RPGRIP1L: variants seen among roughly 807,000 people sequenced by gnomAD.
RPGRIP1L encodes the protein RPGRIP1 like.
In RPGRIP1L, 131 loss-of-function variants were observed where a neutral mutation model predicts 160.4. The observed-to-expected ratio is 0.82, with a 90% CI of 0.71 to 0.94. The LOEUF is 0.94. Among genes scored for constraint, RPGRIP1L ranks in the 40% least tolerant of loss-of-function variants. The pLI, the probability that RPGRIP1L is intolerant of heterozygous loss-of-function variation, is 0.00. For missense variants in RPGRIP1L, 1,522 were observed against 1,535.8 expected (o/e 0.99, Z 0.15); for synonymous variants, 510 against 515.8 (o/e 0.99, Z 0.15).
intron 22 of RPGRIP1L, among the ~76,000 whole-genome samples, chr16:53,627,723 T>C (rs977747830): frequency 1.3e-5 from 2 of 152,210 alleles, no homozygotes; most frequent in Non-Finnish European, 2.9e-5. Flanking sequence ...TTAATCATTC[T>C]GCAATTTCTG....
chr16:53,672,167 T>C (rs1968787666), intron 8 of RPGRIP1L, among the ~76,000 whole-genome samples: 1 of 152,144 alleles, frequency 6.6e-6, no homozygotes. Context: ...GGAGTAATAA[T>C]TACATCCCTA....
At chr16:53,617,489 T>C (rs758209514) in intron 24 of RPGRIP1L, among the ~76,000 whole-genome samples, 1 of 152,190 alleles carries the variant, frequency 6.6e-6, no homozygotes, top group Non-Finnish European at 1.5e-5. Context: ...CTTTTGGAAA[T>C]GTTTTCTTTA....
At chr16:53,635,360 T>G (rs1182203185) in intron 22 of RPGRIP1L, 2 of 152,150 alleles carry the variant, frequency 1.3e-5, no homozygotes, top group Non-Finnish European at 2.9e-5. Flanking sequence ...ACAGATAAAA[T>G]GTTCTATTTG....
intron 15 of RPGRIP1L, among the ~76,000 whole-genome samples, chr16:53,652,117 C>G (rs1429527699): frequency 6.6e-6 from 1 of 152,020 alleles, no homozygotes; most frequent in African/African-American, 2.4e-5. Context: ...CTCTTGTTAT[C>G]CAGGCTGGAG....
intron 2 of RPGRIP1L, among the ~76,000 whole-genome samples, chr16:53,699,091 C>T (rs913537763): frequency 4.6e-5 from 7 of 152,030 alleles, no homozygotes; most frequent in South Asian, 2.1e-4. Flanking sequence ...GACCTTACCC[C>T]GCAACCCTGT....
intron 4 of RPGRIP1L, 64 bp downstream of exon 4, chr16:53,692,002 G>GTT: frequency 6.7e-7 from 1 of 1,491,886 alleles, no homozygotes; most frequent in Non-Finnish European, 9.3e-7. Context: ...AAAACTTTGT[G>GTT]TTTTTTTTGT....
intron 22 of RPGRIP1L, among the ~76,000 whole-genome samples, chr16:53,625,803 ATTC>A (rs1292072115): frequency 4.6e-5 from 7 of 152,314 alleles, no homozygotes; most frequent in Non-Finnish European, 8.8e-5. Context: ...ACTAAGAAAA[ATTC>A]TTCTGCCTTG....
At chr16:53,609,708 C>G (rs185402473) in intron 25 of RPGRIP1L, among the ~76,000 whole-genome samples, 1 of 152,028 alleles carries the variant, frequency 6.6e-6, no homozygotes, top group Non-Finnish European at 1.5e-5. Flanking sequence ...TTTATTCCCT[C>G]GTCACTCATG....
At chr16:53,609,501 A>G (rs1011361900) in intron 25 of RPGRIP1L, among the ~76,000 whole-genome samples, 23 of 126,552 alleles carry the variant, frequency 1.8e-4, no homozygotes, top group Non-Finnish European at 1.8e-4. Context: ...TTAAATAAAC[A>G]CTTTTGGGGT....
Position 53,652,627 on chromosome 16 carries a change from C to T in RPGRIP1L, c.2060G>A (p.Ser687Asn). The part of the protein sequence containing the change: ...TITLEVHQAY[S>N]TEYETIAACQ... ...TGCTGCAATTGTTTCATATTCTGTG[C>T]TATAAGCCTGGTGGACCTCAAGGGT... Residue 687 changes from serine (S) to asparagine (N), a missense_variant, in exon 15 of 27, where the codon AGC becomes AAC. Physicochemically the swap from Ser to Asn is conservative, Grantham distance 46. Coordinates refer to ENST00000647211, the MANE Select transcript of RPGRIP1L (RefSeq NM_015272.5). 6.2e-7 allele frequency: 1 copy of T among 1,613,962 alleles called. No individual in the cohort carries two copies. Among genetic ancestry groups the T allele is most frequent in the Non-Finnish European group, 8.5e-7 (1 of 1,179,920 alleles).
chr16:53,620,039 C>G (rs1872040821), intron 23 of RPGRIP1L, among the ~76,000 whole-genome samples: 1 of 151,992 alleles, frequency 6.6e-6, no homozygotes, highest in Non-Finnish European at 1.5e-5. Flanking sequence ...AAAGTTTGTC[C>G]TTTAGTATCA....
At chr16:53,636,206 ATTTAAGGTACTCTT>A (rs924598486) in intron 22 of RPGRIP1L, among the ~76,000 whole-genome samples, 42 of 152,188 alleles carry the variant, frequency 2.8e-4, no homozygotes, top group African/African-American at 9.2e-4. Context: ...GGAGGTACAG[ATTTAAGGTACTCTT>A]TGTGAAAATA....
intron 9 of RPGRIP1L, among the ~76,000 whole-genome samples, chr16:53,669,012 G>C (rs1968499567): frequency 6.6e-6 from 1 of 152,082 alleles, no homozygotes; most frequent in Non-Finnish European, 1.5e-5. Flanking sequence ...TTTTTCTCCT[G>C]AAAACTAGTC....
At chr16:53,676,539 T>C (rs1969186970) in intron 6 of RPGRIP1L, among the ~76,000 whole-genome samples, 1 of 152,318 alleles carries the variant, frequency 6.6e-6, no homozygotes, top group African/African-American at 2.4e-5. Context: ...TTTATTGATA[T>C]GTAAGGACAG....
chr16:53,644,778 T>C (rs1966439780), intron 17 of RPGRIP1L, among the ~76,000 whole-genome samples: 1 of 152,064 alleles, frequency 6.6e-6, no homozygotes, highest in Non-Finnish European at 1.5e-5. Context: ...GATAACAGAA[T>C]CCTCCCAGAC....
intron 6 of RPGRIP1L, among the ~76,000 whole-genome samples, chr16:53,679,005 C>T (rs1482435524): frequency 6.6e-6 from 1 of 152,166 alleles, no homozygotes; most frequent in Non-Finnish European, 1.5e-5. Flanking sequence ...ACTAAAATAG[C>T]TGAGGAAAGT....
At chr16:53,659,454 T>C (rs1345929925) in intron 10 of RPGRIP1L, 1 of 153,416 alleles carries the variant, frequency 6.5e-6, no homozygotes, top group African/African-American at 2.4e-5. Context: ...CCATGTGCAC[T>C]TGTACCCTCT....
rs1308038540 is a variant in RPGRIP1L at position 53,659,098 on chromosome 16, CA to C, written c.1244-221del. 5 of 656,182 alleles carry C rather than the reference CA, an allele frequency of 7.6e-6. No homozygotes were observed. The African/African-American group carries it at 9.2e-5, about 12-fold the overall frequency. 40.6% of individuals were successfully genotyped at this position (656,182 alleles called of 1,614,324 possible). A position where few individuals can be genotyped will look rare whatever the true frequency, so the allele number is the denominator to read the frequency against. ...ATGATTCACTTGCTCATCAAAAACC[CA>C]AGACATAAGTTCACAGTATTAATAT... On this transcript the variant is annotated intron_variant, in intron 10 of 26. Coordinates refer to ENST00000647211, the MANE Select transcript of RPGRIP1L (RefSeq NM_015272.5).
chr16:53,615,743 T>C (rs923812000), intron 24 of RPGRIP1L, among the ~76,000 whole-genome samples: 1 of 151,692 alleles, frequency 6.6e-6, no homozygotes, highest in African/African-American at 2.4e-5. Context: ...GGATTTCAGG[T>C]GTGAGCCACT....
Sources: allele counts gnomAD v4.1 joint callset (sites outside exome capture counted in the v4.1 genomes callset), GRCh38; gene constraint gnomAD v4.1.1; transcripts MANE v1.5; gene names NCBI Gene and HGNC (gene_info 2026-07-23, HGNC 2026-07-21).